MACF1: variants seen among roughly 807,000 people sequenced by gnomAD.
The protein encoded by MACF1 is microtubule actin crosslinking factor 1.
In MACF1, 193 loss-of-function variants were observed where a neutral mutation model predicts 854.8. The observed-to-expected ratio is 0.23, with a 90% CI of 0.20 to 0.25. The LOEUF (loss-of-function observed/expected upper bound fraction) is 0.25, where lower values mean the gene tolerates loss of function less well. Ranked by LOEUF, MACF1 falls within the 10% of genes least tolerant of loss-of-function variation. MACF1 has a pLI of 1.00. For missense variants in MACF1, 7,722 were observed against 8,929.1 expected, an observed-to-expected ratio of 0.86 and a Z score of 5.45; for synonymous variants, 3,185 against 3,226.7, an observed-to-expected ratio of 0.99 and a Z score of 0.44.
intron 2 of MACF1, chr1:39,103,040 GGA>G (rs1157773941): frequency 1.5e-6 from 1 of 679,568 alleles, no homozygotes; most frequent in Admixed American, 2.1e-5. Context: ...AAATCTCCTG[GGA>G]GCATTTAAAT....
intron 2 of MACF1, among the ~76,000 whole-genome samples, chr1:39,086,532 T>C (rs565805113): frequency 6.6e-6 from 1 of 152,228 alleles, no homozygotes; most frequent in South Asian, 2.1e-4. Flanking sequence ...AGGGCCCTGA[T>C]GACTCATAAA....
At chr1:39,349,699 C>A in intron 42 of MACF1, 72 bp downstream of exon 42, 1 of 1,498,658 alleles carries the variant, frequency 6.7e-7, no homozygotes. Flanking sequence ...GTGGTGTTAT[C>A]TTGGCTCACT....
intron 15 of MACF1, among the ~76,000 whole-genome samples, chr1:39,290,431 T>C (rs1211145746): frequency 6.6e-6 from 1 of 152,200 alleles, no homozygotes; most frequent in Non-Finnish European, 1.5e-5. Context: ...TTGGTTACTA[T>C]AGCTCTGCAG....
chr1:39,358,987 T>G (rs1168105949), intron 46 of MACF1, 114 bp downstream of exon 46: 4 of 1,432,404 alleles, frequency 2.8e-6, no homozygotes, highest in African/African-American at 1.4e-5. Flanking sequence ...TGGGATGCCT[T>G]GGACAAGATC....
intron 23 of MACF1, among the ~76,000 whole-genome samples, chr1:39,308,165 A>G (rs533688127): frequency 2.0e-4 from 30 of 151,994 alleles, no homozygotes; most frequent in African/African-American, 7.2e-4. Context: ...CGGCCTCCCA[A>G]AGTGCTGGGA....
At chr1:39,163,354 A>AG (rs945628503) in intron 2 of MACF1, among the ~76,000 whole-genome samples, 3 of 150,708 alleles carry the variant, frequency 2.0e-5, no homozygotes, top group Non-Finnish European at 4.4e-5. Context: ...AAAAAAAAAA[A>AG]AAAAAAGAAA....
At chr1:39,340,155 CAGAG>C (rs1646905703) in intron 38 of MACF1, among the ~76,000 whole-genome samples, 1 of 152,314 alleles carries the variant, frequency 6.6e-6, no homozygotes, top group Admixed American at 6.5e-5. Context: ...ATGACACTCT[CAGAG>C]AGGCAGCAAG....
chr1:39,144,370 C>T (rs568188171), intron 2 of MACF1, among the ~76,000 whole-genome samples: 5 of 151,710 alleles, frequency 3.3e-5, no homozygotes, highest in Admixed American at 1.3e-4. Flanking sequence ...GGTAAGCCAC[C>T]GCCCCCAGCT....
chr1:39,154,398 A>G (rs1018454221), intron 2 of MACF1: 2 of 152,136 alleles, frequency 1.3e-5, no homozygotes, highest in Non-Finnish European at 1.5e-5. Context: ...TAAGCATTCA[A>G]CAGATATATG....
chr1:39,245,641 A>G (rs536338336), intron 2 of MACF1, among the ~76,000 whole-genome samples: 1 of 152,286 alleles, frequency 6.6e-6, no homozygotes, highest in Non-Finnish European at 1.5e-5. Flanking sequence ...TAATCCCAAC[A>G]CTTTGGGAGG....
chr1:39,291,805 T>G (rs932524319), intron 15 of MACF1, 105 bp from the exon 16 acceptor site: 1 of 1,157,880 alleles, frequency 8.6e-7, no homozygotes, highest in African/African-American at 1.6e-5. Flanking sequence ...GATGTCCTTT[T>G]GCTCAGTCCT....
intron 6 of MACF1, chr1:39,269,768 G>A: frequency 8.0e-7 from 1 of 1,245,420 alleles, no homozygotes; most frequent in Non-Finnish European, 1.0e-6. Flanking sequence ...TTGGATTCTT[G>A]GCCCTCAAAC....
chr1:39,387,996 C>G lies in MACF1; in HGVS notation c.15154C>G (p.Leu5052Val). The change falls in exon 58 of 101, where the codon CTA becomes GTA. Residue 5052 changes from leucine (L) to valine (V), a missense_variant. Leu to Val is a conservative substitution (Grantham distance 32). This residue lies in a region of MACF1 where 2,807 missense variants were observed against 3,235.8 expected (regional missense o/e 0.87). Transcript: ENST00000564288. ...CTGTAGCAACAAGAACCTGGAGAAG[C>G]TAAGAGCTCAACAGGAAGTGCTGCA... is the stretch of plus-strand genomic sequence containing the variant. The part of the protein sequence containing the change: ...QACSNKNLEK[L>V]RAQQEVLQAL... 6.2e-7 allele frequency: 1 copy of G among 1,614,026 alleles called. No homozygotes were observed. Among genetic ancestry groups the G allele is most frequent in the Admixed American group, 1.7e-5 (1 of 59,998 alleles).
intron 2 of MACF1, among the ~76,000 whole-genome samples, chr1:39,173,248 G>T (rs1026382405): frequency 6.6e-6 from 1 of 151,248 alleles, no homozygotes; most frequent in African/African-American, 2.4e-5. Context: ...GCTGAGGCAG[G>T]GGAATCACTT....
At chr1:39,240,269 A>G (rs1395072436) in intron 2 of MACF1, among the ~76,000 whole-genome samples, 1 of 152,228 alleles carries the variant, frequency 6.6e-6, no homozygotes, top group Non-Finnish European at 1.5e-5. Context: ...GAAATTGACA[A>G]AGTAGTGCTG....
chr1:39,412,359 G>A lies in MACF1; in HGVS notation c.15817-10015G>A, dbSNP rs374253856. 3.8e-5 allele frequency: 61 copies of A among 1,614,064 alleles called. No homozygotes were observed. The East Asian group carries it at 5.6e-4, about 15-fold the overall frequency. On this transcript the variant is annotated intron_variant, in intron 58 of 100. Transcript: ENST00000564288. ...CTGTTAATCAAGAAAATAACAGTCT[G>A]ACATCAATGGGAAATGTGGTCACTT...
At chr1:39,124,039 C>G (rs1398291684) in intron 2 of MACF1, among the ~76,000 whole-genome samples, 2 of 151,044 alleles carry the variant, frequency 1.3e-5, no homozygotes, top group Non-Finnish European at 2.9e-5. Context: ...TGCACCCGAC[C>G]AATTCTTGTA....
intron 6 of MACF1, among the ~76,000 whole-genome samples, chr1:39,277,768 G>T (rs150723506): frequency 6.6e-6 from 1 of 152,252 alleles, no homozygotes; most frequent in Non-Finnish European, 1.5e-5. Flanking sequence ...ATAGTAAATT[G>T]TCTCCCTGAT....
chr1:39,114,321 T>A (rs1642492847), intron 2 of MACF1, among the ~76,000 whole-genome samples: 1 of 152,030 alleles, frequency 6.6e-6, no homozygotes, highest in Non-Finnish European at 1.5e-5. Context: ...TAAATCAAAG[T>A]CCATGACTCT....
Sources: allele counts gnomAD v4.1 joint callset (sites outside exome capture counted in the v4.1 genomes callset), GRCh38; gene constraint gnomAD v4.1.1; regional missense constraint gnomAD v4.1.1; transcripts MANE v1.5; gene names NCBI Gene and HGNC (gene_info 2026-07-23, HGNC 2026-07-21).